NID1: variants seen among roughly 807,000 people sequenced by gnomAD.
NID1 encodes the protein nidogen-1.
Under a neutral mutation model 130.6 loss-of-function variants are expected in NID1, and 76 were observed. The observed-to-expected ratio is 0.58, with a 90% CI of 0.48 to 0.70. NID1 has a LOEUF of 0.70. NID1 is among the 30% of genes least tolerant of loss of function. NID1 has a pLI of 0.00. For synonymous variants in NID1, 665 were observed against 675.1 expected (o/e 0.98, Z 0.23); for missense variants, 1,517 against 1,664.8 (o/e 0.91, Z 1.54).
intron 16 of NID1, 147 bp downstream of exon 16, chr1:235,981,464 C>G (rs1428435026): frequency 2.9e-5 from 23 of 791,942 alleles, no homozygotes; most frequent in Non-Finnish European, 4.1e-5. Context: ...CCGTGGATAT[C>G]TACAAGTCAC....
At chr1:235,984,003 A>G (rs1222249594) in intron 15 of NID1, among the ~76,000 whole-genome samples, 1 of 151,984 alleles carries the variant, frequency 6.6e-6, no homozygotes, top group Non-Finnish European at 1.5e-5. Context: ...AAAAAAGAAA[A>G]TTATTCCCAG....
At chr1:235,991,136 C>T (rs1657726650) in intron 13 of NID1, 78 bp from the exon 14 acceptor site, 3 of 1,221,874 alleles carry the variant, frequency 2.5e-6, no homozygotes, top group South Asian at 3.1e-5. Flanking sequence ...CACCCCCACA[C>T]ACATGCACGC....
chr1:235,995,944 G>A (rs1657907294), intron 12 of NID1, among the ~76,000 whole-genome samples: 1 of 152,194 alleles, frequency 6.6e-6, no homozygotes, highest in African/African-American at 2.4e-5. Flanking sequence ...AGGATCACTT[G>A]AGTCCAGGAG....
Position 236,048,735 on chromosome 1 carries a change from C to T in NID1, c.480G>A (p.Val160=). ...CCCTGCTGGGCCCTTGGTAGGGGGC[C>T]ACGGATTCCCAAGTGACAACCACCG... ...SSAVVVTWES[V]APYQGPSRDP... The change falls in exon 2 of 20, where the codon GTG becomes GTA. Residue 160 remains valine (V), a synonymous_variant. Transcript: ENST00000264187. 1 of 1,612,654 alleles carries T rather than the reference C, an allele frequency of 6.2e-7. No homozygotes were observed. The highest frequency in any genetic ancestry group is 8.5e-7 in the Non-Finnish European group (1 of 1,180,016).
chr1:235,988,715 A>G (rs1229619601), intron 14 of NID1, among the ~76,000 whole-genome samples: 1 of 152,238 alleles, frequency 6.6e-6, no homozygotes, highest in Non-Finnish European at 1.5e-5. Context: ...GACACATGCT[A>G]CAATGTGGAT....
chr1:236,064,048 C>T lies in NID1; in HGVS notation c.225+807G>A, dbSNP rs139194344. Among the ~76,000 whole-genome samples, 4 of 152,316 alleles carry T rather than the reference C, an allele frequency of 2.6e-5. No homozygotes were observed. The East Asian group carries it at 7.7e-4, about 29-fold the overall frequency. On this transcript the variant is annotated intron_variant, in intron 1 of 19. Transcript: ENST00000264187. The stretch of plus-strand genomic sequence containing the variant: ...GCGTTTGCAGTTCCAACCCCCTTCC[C>T]CCGGCCAACCCCCCACACTTCTGGA...
intron 12 of NID1, among the ~76,000 whole-genome samples, chr1:236,008,143 T>C (rs756367477): frequency 6.6e-6 from 1 of 152,240 alleles, no homozygotes; most frequent in Non-Finnish European, 1.5e-5. Flanking sequence ...CACTCTGATA[T>C]TTTCTAGATT....
At chr1:235,997,446 C>T (rs1286757192) in intron 12 of NID1, among the ~76,000 whole-genome samples, 1 of 151,978 alleles carries the variant, frequency 6.6e-6, no homozygotes, top group Non-Finnish European at 1.5e-5. Flanking sequence ...GAAATATGTA[C>T]TTATTTGTAT....
chr1:236,012,793 T>G (rs1035218415), intron 11 of NID1, among the ~76,000 whole-genome samples: 1 of 152,170 alleles, frequency 6.6e-6, no homozygotes, highest in African/African-American at 2.4e-5. Context: ...AATTCTATCT[T>G]AGTTGGGACT....
chr1:235,978,933 G>A, intron 19 of NID1, 62 bp downstream of exon 19: 1 of 1,128,914 alleles, frequency 8.9e-7, no homozygotes, highest in East Asian at 2.4e-5. Flanking sequence ...AGCAGCCAGA[G>A]TGTGGGCTCT....
In NID1 at chr1:236,032,402, G is replaced by A. The variant is rs146116073; in HGVS notation, c.1536C>T (p.Thr512=). The A allele has an allele frequency of 5.2e-5, 84 of 1,613,254 alleles. No individual in the cohort carries two copies. Among genetic ancestry groups the A allele is most frequent in the African/African-American group, 5.1e-4 (38 of 74,864 alleles). The change falls in exon 6 of 20, where the codon ACC becomes ACT. Residue 512 remains threonine, a splice_region_variant and synonymous_variant. Transcript: ENST00000264187. ...QDGFKNGFSI[T]GGEFTRQAEV... is the part of the protein sequence containing the mutation. ...ATTTTAATGTCGGATATAAATTACC[G>A]GTGATGCTGAACCCATTCTTGAATC...
intron 8 of NID1, among the ~76,000 whole-genome samples, chr1:236,025,054 G>T (rs1054749481): frequency 6.6e-6 from 1 of 151,326 alleles, no homozygotes; most frequent in Non-Finnish European, 1.5e-5. Context: ...AGGTTCAAGC[G>T]ATTTTCCTGC....
chr1:236,034,745 T>C (rs1175944586), intron 5 of NID1, among the ~76,000 whole-genome samples: 1 of 152,132 alleles, frequency 6.6e-6, no homozygotes, highest in Non-Finnish European at 1.5e-5. Context: ...TTTGTGAATA[T>C]ATTAAAACCC....
chr1:236,019,442 C>T (rs1204497553), intron 9 of NID1, among the ~76,000 whole-genome samples: 1 of 152,194 alleles, frequency 6.6e-6, no homozygotes, highest in East Asian at 1.9e-4. Context: ...CACAGGGGAT[C>T]TTCTTCAAGC....
Position 236,048,798 on chromosome 1 carries a change from G to A in NID1, c.417C>T (p.His139=), listed in dbSNP as rs1558448404. The change falls in exon 2 of 20, where the codon CAC becomes CAT. Residue 139 remains histidine, a synonymous_variant. Coordinates refer to ENST00000264187, the MANE Select transcript of NID1 (RefSeq NM_002508.3). The part of the protein sequence containing the change: ...SITQRAAECV[H]RGFPEISFQP... ...GGAAAGAGATCTCCGGGAACCCTCT[G>A]TGGACACACTCTGCTGCTCGCTGAG... is the stretch of plus-strand genomic sequence containing the variant. 1 of 1,614,090 alleles carries A rather than the reference G, an allele frequency of 6.2e-7. No individual in the cohort carries two copies. The highest frequency in any genetic ancestry group is 8.5e-7 in the Non-Finnish European group (1 of 1,180,020).
intron 6 of NID1, among the ~76,000 whole-genome samples, chr1:236,030,627 C>T (rs1029211353): frequency 2.0e-4 from 31 of 152,276 alleles, no homozygotes; most frequent in African/African-American, 6.0e-4. Flanking sequence ...GTTGAGCCGT[C>T]GCAACAGAGA....
Position 235,981,796 on chromosome 1 carries a change from C to G in NID1, c.3056-14G>C. On this transcript the variant is annotated splice_polypyrimidine_tract_variant and intron_variant, in intron 15 of 19. Transcript: ENST00000264187. ...GACTTCCAAGATCTAGAAGTAAACA[C>G]AGAGCTCCTCTAATTTTTTTTGTTT... 6.3e-7 allele frequency: 1 copy of G among 1,576,976 alleles called. No individual in the cohort carries two copies. The highest frequency in any genetic ancestry group is 1.2e-5 in the South Asian group (1 of 86,058).
chr1:236,008,097 T>G (rs937090825), intron 12 of NID1, among the ~76,000 whole-genome samples: 2 of 152,170 alleles, frequency 1.3e-5, no homozygotes, highest in Non-Finnish European at 2.9e-5. Context: ...TATTGCTTCA[T>G]GAAACAATAC....
intron 10 of NID1, among the ~76,000 whole-genome samples, chr1:236,014,040 C>T (rs989926717): frequency 1.3e-5 from 2 of 152,118 alleles, no homozygotes; most frequent in Non-Finnish European, 2.9e-5. Flanking sequence ...CTACAAATGC[C>T]CAAGTCAGTC....
Sources: gnomAD v4.1 joint callset for allele counts (sites outside exome capture counted in the v4.1 genomes callset) on GRCh38, gnomAD v4.1.1 for gene constraint, MANE v1.5 for transcripts, NCBI Gene and HGNC (gene_info 2026-07-23, HGNC 2026-07-21) for gene names.